CNBD1: variants seen among roughly 807,000 people sequenced by gnomAD.
The protein encoded by CNBD1 is cyclic nucleotide binding domain containing 1.
A neutral mutation model predicts 54.4 loss-of-function variants in CNBD1; 71 were observed. The ratio of observed to expected loss-of-function variants is 1.30; its 90% CI spans 1.08 to 1.59. The LOEUF (loss-of-function observed/expected upper bound fraction) is 1.59, where lower values mean the gene tolerates loss of function less well. Among genes scored for constraint, CNBD1 ranks in the 40% most tolerant of loss-of-function variants. CNBD1 has a pLI of 0.00. For missense variants in CNBD1, 659 were observed against 518.0 expected (o/e 1.27, Z -2.64); for synonymous variants, 182 against 170.7 (o/e 1.07, Z -0.51).
chr8:86,971,918 A>G (rs1808228503), intron 4 of CNBD1, among the ~76,000 whole-genome samples: 1 of 152,044 alleles, frequency 6.6e-6, no homozygotes, highest in South Asian at 2.1e-4. Flanking sequence ...TCACATAGAT[A>G]TATTTTATTT....
intron 5 of CNBD1, among the ~76,000 whole-genome samples, chr8:87,227,656 C>T (rs1446467204): frequency 7.1e-6 from 1 of 140,260 alleles, no homozygotes; most frequent in East Asian, 2.0e-4. Flanking sequence ...CGACCTTTCT[C>T]TCTGGCTGCC....
In CNBD1 at chr8:87,391,810, AC is replaced by A. The variant is rs1190810535; in HGVS notation, c.214-36734del. On this transcript the variant is annotated intron_variant, in intron 2 of 7. Transcript: ENST00000521593. ...AACCCTTTTCAGACACAAAAGCCCAACCAAAAAATGAAACAAAATAAAGTAA... is the reference window on the plus strand; with the variant it reads ...AACCCTTTTCAGACACAAAAGCCCAACAAAAAATGAAACAAAATAAAGTAA... Among the ~76,000 whole-genome samples, 4 of 152,092 alleles carry A rather than the reference AC, an allele frequency of 2.6e-5. No homozygotes were observed. The East Asian group carries it at 7.7e-4, about 29-fold the overall frequency.
chr8:87,369,406 G>A lies in CNBD1; in HGVS notation c.1304-13214G>A, dbSNP rs1366584300. ...TACCTATGTAATTACCTCTGCTCAT[G>A]CTCTTTATTTTTCATGTGGAACTGA... On this transcript the variant is annotated intron_variant, in intron 10 of 10. Coordinates refer to ENST00000518476, the MANE Select transcript of CNBD1 (RefSeq NM_173538.3). Among the ~76,000 whole-genome samples, 3 of 151,914 alleles carry A rather than the reference G, an allele frequency of 2.0e-5. No individual in the cohort carries two copies. In the East Asian group the frequency reaches 5.8e-4, roughly 29 times the overall value.
intron 8 of CNBD1, among the ~76,000 whole-genome samples, chr8:87,339,127 G>A (rs553672329): frequency 1.3e-5 from 2 of 151,840 alleles, no homozygotes; most frequent in African/African-American, 2.4e-5. Context: ...TTTCTCTTGA[G>A]AGAAGATCTT....
chr8:86,931,760 C>G (rs538116563), intron 3 of CNBD1, among the ~76,000 whole-genome samples: 1 of 152,194 alleles, frequency 6.6e-6, no homozygotes, highest in East Asian at 1.9e-4. Flanking sequence ...GTGGCTGATT[C>G]GGTAATAAGC....
At chr8:87,347,768 A>G (rs929616189) in intron 8 of CNBD1, among the ~76,000 whole-genome samples, 3 of 152,108 alleles carry the variant, frequency 2.0e-5, no homozygotes, top group African/African-American at 7.2e-5. Context: ...TTTGTCTTAC[A>G]TTGCCTGCTG....
chr8:87,222,352 T>C (rs1814358738), intron 5 of CNBD1, among the ~76,000 whole-genome samples: 1 of 152,142 alleles, frequency 6.6e-6, no homozygotes, highest in South Asian at 2.1e-4. Context: ...CTGTGTGATA[T>C]GAGCTGGAGA....
intron 10 of CNBD1, among the ~76,000 whole-genome samples, chr8:87,379,955 A>G (rs1433489725): frequency 6.6e-6 from 1 of 151,940 alleles, no homozygotes; most frequent in Non-Finnish European, 1.5e-5. Context: ...AGTTAGAAAC[A>G]TTTACCAAGT....
chr8:87,336,617 A>C (rs1586025590), intron 8 of CNBD1, among the ~76,000 whole-genome samples: 1 of 152,046 alleles, frequency 6.6e-6, no homozygotes, highest in Admixed American at 6.6e-5. Context: ...CAAGGTTCTC[A>C]GCTTTTTTGC....
chr8:87,108,937 A>G (rs1811601120), intron 4 of CNBD1, among the ~76,000 whole-genome samples: 1 of 152,192 alleles, frequency 6.6e-6, no homozygotes, highest in Non-Finnish European at 1.5e-5. Context: ...CGTGAATAAC[A>G]AAAATAGCAT....
In CNBD1 at chr8:87,396,057, G is replaced by T. The variant is rs74404595; in HGVS notation, c.214-32489G>T. 5.6e-3 allele frequency among the ~76,000 whole-genome samples: 846 copies of T among 151,990 alleles called. 10 individuals carry two copies. Among genetic ancestry groups the T allele is most frequent in the African/African-American group, 0.019 (807 of 41,506 alleles). ...TCTTTTATAAATTACTCAGGCTCGG[G>T]TATGTCTTTATGAGCAGAGTGAGAA... On this transcript the variant is annotated intron_variant, in intron 2 of 7. Transcript: ENST00000521593.
intron 4 of CNBD1, among the ~76,000 whole-genome samples, chr8:87,093,132 C>T (rs904890955): frequency 6.6e-6 from 1 of 152,148 alleles, no homozygotes; most frequent in Admixed American, 6.6e-5. Flanking sequence ...GAACTCTTGG[C>T]AACTTATTTA....
chr8:86,954,829 T>G (rs1432142843), intron 4 of CNBD1, among the ~76,000 whole-genome samples: 1 of 152,142 alleles, frequency 6.6e-6, no homozygotes, highest in Admixed American at 6.5e-5. Flanking sequence ...AGTTGAACAA[T>G]TTTCTTCTTT....
intron 4 of CNBD1, among the ~76,000 whole-genome samples, chr8:87,030,212 G>C (rs893783257): frequency 6.6e-6 from 1 of 152,132 alleles, no homozygotes; most frequent in Admixed American, 6.5e-5. Flanking sequence ...CATGGAAACT[G>C]TCTCACAATG....
intron 4 of CNBD1, among the ~76,000 whole-genome samples, chr8:87,032,830 T>C (rs1809823767): frequency 6.6e-6 from 1 of 152,226 alleles, no homozygotes; most frequent in African/African-American, 2.4e-5. Context: ...TAATTTGTTT[T>C]CTGGCACTGC....
chr8:87,378,759 C>G (rs531744170), intron 10 of CNBD1, among the ~76,000 whole-genome samples: 1 of 151,156 alleles, frequency 6.6e-6, no homozygotes, highest in Non-Finnish European at 1.5e-5. Context: ...TGGACATTTT[C>G]ATGATATTGA....
intron 4 of CNBD1, among the ~76,000 whole-genome samples, chr8:87,056,042 C>A (rs1434679231): frequency 6.6e-6 from 1 of 151,840 alleles, no homozygotes; most frequent in Non-Finnish European, 1.5e-5. Context: ...TGCTAGTTTG[C>A]AAAAATCAAC....
chr8:87,212,140 A>T (rs1401483268), intron 5 of CNBD1, among the ~76,000 whole-genome samples: 1 of 152,176 alleles, frequency 6.6e-6, no homozygotes, highest in Admixed American at 6.5e-5. Flanking sequence ...TCAAAAATAT[A>T]ACCTGCTTAG....
At chr8:86,914,176 A>C (rs1417209735) in intron 3 of CNBD1, among the ~76,000 whole-genome samples, 1 of 152,202 alleles carries the variant, frequency 6.6e-6, no homozygotes, top group Non-Finnish European at 1.5e-5. Context: ...CTGAGGCGAC[A>C]TACATCCTCC....
Sources: allele counts gnomAD v4.1 joint callset (sites outside exome capture counted in the v4.1 genomes callset), GRCh38; gene constraint gnomAD v4.1.1; transcripts MANE v1.5; gene names NCBI Gene and HGNC (gene_info 2026-07-23, HGNC 2026-07-21).